CCL19: variants seen among roughly 807,000 people sequenced by gnomAD.
CCL19 encodes C-C motif chemokine 19.
Under a neutral mutation model 9.7 loss-of-function variants are expected in CCL19, and 5 were observed. The observed-to-expected ratio is 0.51, with a 90% CI of 0.27 to 1.08. The LOEUF (loss-of-function observed/expected upper bound fraction) is 1.08. Ranked by LOEUF, CCL19 falls within the 50% of genes least tolerant of loss-of-function variation. CCL19 has a pLI of 0.12. For missense variants in CCL19, 90 were observed against 122.5 expected (o/e 0.73, Z 1.25); for synonymous variants, 40 against 47.4 (o/e 0.84, Z 0.64).
chr9:34,689,913 G>A lies in CCL19; in HGVS notation c.276+17C>T, dbSNP rs895234765. The A allele has an allele frequency of 3.1e-6, 5 of 1,613,800 alleles. No homozygotes were observed. In the South Asian group the frequency reaches 3.3e-5, roughly 11 times the overall value. On this transcript the variant is annotated intron_variant, in intron 3 of 3. Coordinates refer to ENST00000311925, the MANE Select transcript of CCL19 (RefSeq NM_006274.3). The surrounding 1 kb of genome is among the most constrained non-coding windows in gnomAD (Gnocchi z 4.1). Reference sequence around the variant, plus strand: ...AGCTCAGAGGGAGGAGACAGGGCCAGGGAGGGCCAGGCTTGCCTTGGCTGA... The same window carrying A: ...AGCTCAGAGGGAGGAGACAGGGCCAAGGAGGGCCAGGCTTGCCTTGGCTGA...
Position 34,690,257 on chromosome 9 carries a change from G to A in CCL19, c.135C>T (p.Asn45=), listed in dbSNP as rs751665998. The A allele has an allele frequency of 3.1e-6, 5 of 1,614,174 alleles. No homozygotes were observed. The East Asian group carries it at 6.7e-5, about 22-fold the overall frequency. ...CATCCTTGATGAGAAGGTAGTGGAAGTTCCTCACGATGTACCCAGGGATGG... is the reference window on the plus strand; with the variant it reads ...CATCCTTGATGAGAAGGTAGTGGAAATTCCTCACGATGTACCCAGGGATGG... ...QKPIPGYIVR[N]FHYLLIKDGC... is the part of the protein sequence containing the mutation. Residue 45 remains asparagine (N), a synonymous_variant, in exon 2 of 4, where the codon AAC becomes AAT. Transcript: ENST00000311925.
At chr9:34,690,148 G>C in intron 2 of CCL19, 62 bp downstream of exon 2, 1 of 1,600,484 alleles carries the variant, frequency 6.2e-7, no homozygotes, top group Non-Finnish European at 8.6e-7. Flanking sequence ...GGAATAAGAA[G>C]GTGGGAGTCT....
chr9:34,691,263 G>A lies in CCL19; in HGVS notation c.-124C>T. The A allele has an allele frequency of 1.4e-6, 1 of 721,768 alleles. No individual in the cohort carries two copies. The highest frequency in any genetic ancestry group is 2.3e-6 in the Non-Finnish European group (1 of 431,068). The allele number at this position is 721,768 out of a possible 1,614,324, so 44.7% of individuals were successfully genotyped here. On this transcript the variant is annotated 5_prime_UTR_variant, in exon 1 of 4. Transcript: ENST00000311925. ...GGGTGAAATGCAAGGTGTGAGTGAT[G>A]TGAGGCTGGGAATGTGAGCCCTGCA...
rs1201625371 is a variant in CCL19, at chr9:34,690,205, C to T, written c.182+5G>A. 3.7e-6 allele frequency: 6 copies of T among 1,614,076 alleles called. No individual in the cohort carries two copies. Among genetic ancestry groups the T allele is most frequent in the Non-Finnish European group, 3.4e-6 (4 of 1,179,964 alleles). The stretch of plus-strand genomic sequence containing the variant: ...ATGAGGCTAGACACCCTCCCCACAA[C>T]TCACACTACAGCAGGCACCCTGCAG... On this transcript the variant is annotated splice_donor_5th_base_variant and intron_variant, in intron 2 of 3. Transcript: ENST00000311925.
At position 34,689,952 on chromosome 9, in the gene CCL19, C is replaced by G; in HGVS notation, c.254G>C (p.Arg85Thr). ...DQPWVERIIQ[R>T]LQRTSAKMKR... Reference sequence around the variant, plus strand: ...TGCCTTGGCTGAGGTCCTCTGCAGTCTCTGGATGATGCGTTCTACCCAGGG... The same window carrying G: ...TGCCTTGGCTGAGGTCCTCTGCAGTGTCTGGATGATGCGTTCTACCCAGGG... Residue 85 changes from arginine to threonine, a missense_variant, in exon 3 of 4, where the codon AGA (arginine) becomes ACA (threonine). Arg to Thr is a moderately conservative substitution (Grantham distance 71). Coordinates refer to ENST00000311925, the MANE Select transcript of CCL19 (RefSeq NM_006274.3). This position sits in a 1 kb window ranked among gnomAD's most constrained non-coding sequence, Gnocchi z 4.1. 1 of 1,614,086 alleles carries G rather than the reference C, an allele frequency of 6.2e-7. No individual in the cohort carries two copies. The highest frequency in any genetic ancestry group is 8.5e-7 in the Non-Finnish European group (1 of 1,180,024).
In CCL19 at chr9:34,690,030, T is replaced by A; in HGVS notation, c.183-7A>T. On this transcript the variant is annotated splice_region_variant and splice_polypyrimidine_tract_variant and intron_variant, in intron 2 of 3. Coordinates refer to ENST00000311925, the MANE Select transcript of CCL19 (RefSeq NM_006274.3). ...GCCCCTCAGTGTGGTGAACCTGGGG[T>A]GAGAGGCCGGAGAGAATGGAGCCCC... The A allele has an allele frequency of 6.2e-7, 1 of 1,613,170 alleles. No individual in the cohort carries two copies.
At chr9:34,691,015 AAGCAATCTG>A (rs1821786080) in intron 1 of CCL19, 67 bp downstream of exon 1, 1 of 1,320,170 alleles carries the variant, frequency 7.6e-7, no homozygotes, top group African/African-American at 1.5e-5. Context: ...GTCCAGTGCC[AAGCAATCTG>A]AGATCTAGAC....
Position 34,691,116 on chromosome 9 carries a change from G to C in CCL19, c.24C>G (p.Ser8Arg). The change falls in exon 1 of 4, where the codon AGC becomes AGG. Residue 8 changes from serine to arginine, a missense_variant. Coordinates refer to ENST00000311925, the MANE Select transcript of CCL19 (RefSeq NM_006274.3). ...CTGGGGAAGTCCAGAGAACCAGCAGGCTGAGGGCCAGTAGCAGGGCCATGG... is the reference window on the plus strand; with the variant it reads ...CTGGGGAAGTCCAGAGAACCAGCAGCCTGAGGGCCAGTAGCAGGGCCATGG... Reference protein sequence around the residue: MALLLALSLLVLWTSPAP... With the variant: MALLLALRLLVLWTSPAP... The C allele has an allele frequency of 6.2e-7, 1 of 1,613,084 alleles. No individual in the cohort carries two copies. The highest frequency in any genetic ancestry group is 8.5e-7 in the Non-Finnish European group (1 of 1,179,640).
Position 34,689,915 on chromosome 9 carries a change from G to C in CCL19, c.276+15C>G. On this transcript the variant is annotated intron_variant, in intron 3 of 3. Coordinates refer to ENST00000311925, the MANE Select transcript of CCL19 (RefSeq NM_006274.3). This position sits in a 1 kb window ranked among gnomAD's most constrained non-coding sequence, Gnocchi z 4.1. Reference sequence around the variant, plus strand: ...CTCAGAGGGAGGAGACAGGGCCAGGGAGGGCCAGGCTTGCCTTGGCTGAGG... The same window carrying C: ...CTCAGAGGGAGGAGACAGGGCCAGGCAGGGCCAGGCTTGCCTTGGCTGAGG... The C allele has an allele frequency of 3.1e-6, 5 of 1,613,816 alleles. No individual in the cohort carries two copies. Among genetic ancestry groups the C allele is most frequent in the Non-Finnish European group, 4.2e-6 (5 of 1,179,682 alleles).
rs755319262 is a variant in CCL19 at position 34,690,018 on chromosome 9, G to A, written c.188C>T (p.Thr63Ile). ...ACAGAGCTGGCGGCCCCTCAGTGTG[G>A]TGAACCTGGGGTGAGAGGCCGGAGA... is the stretch of plus-strand genomic sequence containing the variant. ...DGCRVPAVVF[T>I]TLRGRQLCAP... Residue 63 changes from threonine to isoleucine, a missense_variant, in exon 3 of 4, where the codon ACC becomes ATC. Coordinates refer to ENST00000311925, the MANE Select transcript of CCL19 (RefSeq NM_006274.3). 6.2e-7 allele frequency: 1 copy of A among 1,614,022 alleles called. No homozygotes were observed. The highest frequency in any genetic ancestry group is 1.7e-5 in the Admixed American group (1 of 60,028).
chr9:34,690,832 G>C (rs1326908806), intron 1 of CCL19, among the ~76,000 whole-genome samples: 1 of 152,176 alleles, frequency 6.6e-6, no homozygotes, highest in African/African-American at 2.4e-5. Flanking sequence ...GCAGGAAATA[G>C]AGCTTGCAGA....
rs767565340 is a variant in CCL19, at chr9:34,691,163, A to G, written c.-24T>C. On this transcript the variant is annotated 5_prime_UTR_variant, in exon 1 of 4. Coordinates refer to ENST00000311925, the MANE Select transcript of CCL19 (RefSeq NM_006274.3). Reference sequence around the variant, plus strand: ...ATGGAGGGTGAACAGAGGCAGGCCAACGGTGAATGTGTGAGCGCCAGCTGT... The same window carrying G: ...ATGGAGGGTGAACAGAGGCAGGCCAGCGGTGAATGTGTGAGCGCCAGCTGT... 9 of 1,611,954 alleles carry G rather than the reference A, an allele frequency of 5.6e-6. No homozygotes were observed. The South Asian group carries it at 6.6e-5, about 12-fold the overall frequency.
Position 34,691,246 on chromosome 9 carries a change from T to C in CCL19, c.-107A>G. 1 of 904,990 alleles carries C rather than the reference T, an allele frequency of 1.1e-6. No homozygotes were observed. The highest frequency in any genetic ancestry group is 1.7e-6 in the Non-Finnish European group (1 of 575,040). The allele number at this position is 904,990 out of a possible 1,614,324, so 56.1% of individuals were successfully genotyped here. On this transcript the variant is annotated 5_prime_UTR_variant, in exon 1 of 4. Transcript: ENST00000311925. Reference sequence around the variant, plus strand: ...GGGCGACTGGGATGCAGGGGTGAAATGCAAGGTGTGAGTGATGTGAGGCTG... The same window carrying C: ...GGGCGACTGGGATGCAGGGGTGAAACGCAAGGTGTGAGTGATGTGAGGCTG...
Position 34,691,149 on chromosome 9 carries a change from A to T in CCL19, c.-10T>A, listed in dbSNP as rs764423261. 1 of 1,613,324 alleles carries T rather than the reference A, an allele frequency of 6.2e-7. No individual in the cohort carries two copies. The highest frequency in any genetic ancestry group is 8.5e-7 in the Non-Finnish European group (1 of 1,179,696). On this transcript the variant is annotated 5_prime_UTR_variant, in exon 1 of 4. Coordinates refer to ENST00000311925, the MANE Select transcript of CCL19 (RefSeq NM_006274.3). ...CCAGTAGCAGGGCCATGGAGGGTGA[A>T]CAGAGGCAGGCCAACGGTGAATGTG...
chr9:34,691,145 G>A lies in CCL19; in HGVS notation c.-6C>T, dbSNP rs1311977947. The A allele has an allele frequency of 4.3e-6, 7 of 1,613,188 alleles. No individual in the cohort carries two copies. The highest frequency in any genetic ancestry group is 4.0e-5 in the African/African-American group (3 of 74,922). ...AGGGCCAGTAGCAGGGCCATGGAGG[G>A]TGAACAGAGGCAGGCCAACGGTGAA... On this transcript the variant is annotated 5_prime_UTR_variant, in exon 1 of 4. Coordinates refer to ENST00000311925, the MANE Select transcript of CCL19 (RefSeq NM_006274.3).
At position 34,691,134 on chromosome 9, in the gene CCL19, G is replaced by C; in HGVS notation, c.6C>G (p.Ala2=). The C allele has an allele frequency of 6.2e-7, 1 of 1,613,446 alleles. No homozygotes were observed. The highest frequency in any genetic ancestry group is 1.3e-5 in the African/African-American group (1 of 75,036). Residue 2 remains alanine (A), a synonymous_variant, in exon 1 of 4, where the codon GCC becomes GCG. Coordinates refer to ENST00000311925, the MANE Select transcript of CCL19 (RefSeq NM_006274.3). The part of the protein sequence containing the change: M[A]LLLALSLLVL... ...CCAGCAGGCTGAGGGCCAGTAGCAGGGCCATGGAGGGTGAACAGAGGCAGG... is the reference window on the plus strand; with the variant it reads ...CCAGCAGGCTGAGGGCCAGTAGCAGCGCCATGGAGGGTGAACAGAGGCAGG...
At chr9:34,690,175 G>C (rs775051352) in intron 2 of CCL19, 35 bp downstream of exon 2, 3 of 1,612,172 alleles carry the variant, frequency 1.9e-6, no homozygotes, top group African/African-American at 1.3e-5. Flanking sequence ...GGGCTAAAAC[G>C]GGAGATGAGG....
At position 34,690,350 on chromosome 9, in the gene CCL19, G is replaced by A. The variant is rs1821779292; in HGVS notation, c.50-8C>T. 1 of 1,612,964 alleles carries A rather than the reference G, an allele frequency of 6.2e-7. No homozygotes were observed. Among genetic ancestry groups the A allele is most frequent in the African/African-American group, 1.3e-5 (1 of 74,796 alleles). On this transcript the variant is annotated splice_region_variant and splice_polypyrimidine_tract_variant and intron_variant, in intron 1 of 3. Transcript: ENST00000311925. The stretch of plus-strand genomic sequence containing the variant: ...TGCCACTCAGAGTTGGGGCTGGGAT[G>A]GGGAAAGAAGGTGACAGGACACAGG...
In CCL19 at chr9:34,690,213, A is replaced by G; in HGVS notation, c.179T>C (p.Val60Ala). 1.2e-6 allele frequency: 2 copies of G among 1,614,122 alleles called. No individual in the cohort carries two copies. Among genetic ancestry groups the G allele is most frequent in the Non-Finnish European group, 1.7e-6 (2 of 1,180,006 alleles). ...LIKDGCRVPA[V>A]VFTTLRGRQL... ...AGACACCCTCCCCACAACTCACACT[A>G]CAGCAGGCACCCTGCAGCCATCCTT... is the stretch of plus-strand genomic sequence containing the variant. The change falls in exon 2 of 4, where the codon GTA (valine) becomes GCA (alanine). Residue 60 changes from valine to alanine, a missense_variant. Coordinates refer to ENST00000311925, the MANE Select transcript of CCL19 (RefSeq NM_006274.3).
Sources: allele counts gnomAD v4.1 joint callset (sites outside exome capture counted in the v4.1 genomes callset), GRCh38; gene constraint gnomAD v4.1.1; non-coding constraint Gnocchi (gnomAD v3.1); transcripts MANE v1.5; gene names NCBI Gene and HGNC (gene_info 2026-07-23, HGNC 2026-07-21).